Variants in QKI observed in about 807,000 individuals in gnomAD.
QKI encodes QKI, KH domain containing RNA binding, also known as KH domain-containing RNA-binding protein QKI.
QKI carries 10 observed loss-of-function variants against 39.0 expected under a neutral mutation model. That is an observed-to-expected ratio of 0.26 (90% CI 0.16 to 0.43). The LOEUF is 0.43. Ranked by LOEUF, QKI falls within the 20% of genes least tolerant of loss-of-function variation. The pLI, the probability that QKI is intolerant of heterozygous loss-of-function variation, is 1.00. For synonymous variants in QKI, 204 were observed against 155.4 expected, an observed-to-expected ratio of 1.31 and a Z score of -2.33; for missense variants, 218 against 428.0, an observed-to-expected ratio of 0.51 and a Z score of 4.33.
intron 4 of QKI, 116 bp from the exon 5 acceptor site, chr6:163,561,866 A>T: frequency 1.5e-6 from 1 of 683,696 alleles, no homozygotes; most frequent in Non-Finnish European, 2.3e-6. Context: ...TTTTCCCCTT[A>T]TTAAAACAGG....
rs1792848368 is a variant in QKI, at chr6:163,478,993, A to G, written c.402+97A>G. ...TTCCAGATTTTTTTGTGCTTAAAAC[A>G]CTATATTCCAGGCCGGGCGCGGTGG... is the stretch of plus-strand genomic sequence containing the variant. On this transcript the variant is annotated intron_variant, in intron 3 of 7. Coordinates refer to ENST00000361752, the MANE Select transcript of QKI (RefSeq NM_006775.3). 4.7e-6 allele frequency: 5 copies of G among 1,072,906 alleles called. No individual in the cohort carries two copies. The Admixed American group carries it at 6.7e-5, about 14-fold the overall frequency. The allele number at this position is 1,072,906 out of a possible 1,614,324, so 66.5% of individuals were successfully genotyped here.
At chr6:163,463,915 C>G (rs1398631866) in intron 2 of QKI, among the ~76,000 whole-genome samples, 1 of 152,128 alleles carries the variant, frequency 6.6e-6, no homozygotes, top group Non-Finnish European at 1.5e-5. Context: ...ATGGCAGGTA[C>G]TTTTAATTTT....
chr6:163,522,891 A>G (rs979195892), intron 3 of QKI, among the ~76,000 whole-genome samples: 22 of 151,834 alleles, frequency 1.4e-4, no homozygotes, highest in African/African-American at 4.6e-4. Flanking sequence ...CACTGCAGCT[A>G]TCCACGGTGC....
At chr6:163,427,073 T>C (rs1788463010) in intron 1 of QKI, among the ~76,000 whole-genome samples, 1 of 152,096 alleles carries the variant, frequency 6.6e-6, no homozygotes, top group South Asian at 2.1e-4. Context: ...ATTTCTCCAA[T>C]AGGAATGGTA....
intron 4 of QKI, among the ~76,000 whole-genome samples, chr6:163,544,442 C>A (rs1157090048): frequency 1.3e-5 from 2 of 151,882 alleles, no homozygotes; most frequent in Non-Finnish European, 2.9e-5. Context: ...TCAGCTCTCC[C>A]CTGTCTCTCA....
At chr6:163,519,718 C>T (rs901278785) in intron 3 of QKI, among the ~76,000 whole-genome samples, 2 of 151,920 alleles carry the variant, frequency 1.3e-5, no homozygotes, top group African/African-American at 4.8e-5. Context: ...ATAATGATTA[C>T]TATTAACATT....
chr6:163,494,671 GTTGTTGTTGTTA>G (rs1335957279), intron 3 of QKI, among the ~76,000 whole-genome samples: 9 of 56,924 alleles, frequency 1.6e-4, no homozygotes, highest in East Asian at 0.042. Flanking sequence ...TGTTTTTGTT[GTTGTTGTTGTTA>G]TTGTTGTTTT....
intron 6 of QKI, chr6:163,565,192 T>C (rs1783281187): frequency 1.0e-6 from 1 of 991,118 alleles, no homozygotes; most frequent in Non-Finnish European, 1.2e-6. Context: ...ATTTTTAAAA[T>C]AACATGTAAC....
At chr6:163,504,249 T>C (rs1464342534) in intron 3 of QKI, among the ~76,000 whole-genome samples, 2 of 152,192 alleles carry the variant, frequency 1.3e-5, no homozygotes, top group Non-Finnish European at 2.9e-5. Context: ...CATAATGTTT[T>C]GGTTACTGTA....
intron 1 of QKI, among the ~76,000 whole-genome samples, chr6:163,428,322 T>C (rs1788564583): frequency 6.6e-6 from 1 of 152,214 alleles, no homozygotes; most frequent in Non-Finnish European, 1.5e-5. Flanking sequence ...ACTCAGTTGT[T>C]TGAAGGGTTT....
intron 7 of QKI, chr6:163,568,317 A>G (rs1280364481): frequency 3.0e-6 from 3 of 985,196 alleles, no homozygotes; most frequent in African/African-American, 1.7e-5. Context: ...TTGCTTTAAC[A>G]CAATAATTAT....
chr6:163,546,015 ATATATAATTATATATTT>A (rs1253027773), intron 4 of QKI, among the ~76,000 whole-genome samples: 9 of 147,936 alleles, frequency 6.1e-5, no homozygotes, highest in Non-Finnish European at 8.9e-5. Flanking sequence ...ATTGGTATAA[ATATATAATTATATATTT>A]TATATAATTA....
At chr6:163,570,567 T>C (rs1783645155) in intron 7 of QKI, 127 bp from the exon 8 acceptor site, 8 of 1,163,832 alleles carry the variant, frequency 6.9e-6, no homozygotes, top group African/African-American at 1.6e-5. Context: ...TTAAACATGC[T>C]TTTTTTTTTA....
chr6:163,440,084 T>C lies in QKI; in HGVS notation c.143-15195T>C, dbSNP rs926900807. On this transcript the variant is annotated intron_variant, in intron 1 of 7. Coordinates refer to ENST00000361752, the MANE Select transcript of QKI (RefSeq NM_006775.3). ...CCTTTCCCCCCTCATTGTATATGTC[T>C]CTACTTTTTTGTTCTTTACTTTATT... 1.7e-4 allele frequency among the ~76,000 whole-genome samples: 26 copies of C among 152,310 alleles called. No homozygotes were observed. The East Asian group carries it at 4.6e-3, about 27-fold the overall frequency.
At chr6:163,510,441 A>C (rs886724457) in intron 3 of QKI, among the ~76,000 whole-genome samples, 2 of 149,844 alleles carry the variant, frequency 1.3e-5, no homozygotes, top group African/African-American at 2.5e-5. Context: ...CATCCCTATA[A>C]CCCCAGCTAC....
intron 1 of QKI, among the ~76,000 whole-genome samples, chr6:163,423,870 G>A (rs1206209088): frequency 6.6e-6 from 1 of 152,178 alleles, no homozygotes; most frequent in East Asian, 1.9e-4. Flanking sequence ...TAATAGAGAA[G>A]TATGCTATTG....
intron 2 of QKI, among the ~76,000 whole-genome samples, chr6:163,477,014 T>A (rs1224198427): frequency 4.0e-5 from 3 of 74,290 alleles, no homozygotes; most frequent in Non-Finnish European, 7.0e-5. Flanking sequence ...TGTTTTGTTT[T>A]GTTTTGTTTT....
intron 1 of QKI, among the ~76,000 whole-genome samples, chr6:163,440,054 C>T (rs1789648997): frequency 2.6e-5 from 4 of 151,950 alleles, no homozygotes; most frequent in Admixed American, 2.6e-4. Context: ...TTGAATATAC[C>T]ATTTCCTTTC....
Position 163,456,613 on chromosome 6 carries a change from GTTACA to G in QKI, c.285+1198_285+1202del, listed in dbSNP as rs763466258. 1.8e-4 allele frequency among the ~76,000 whole-genome samples: 28 copies of G among 152,070 alleles called. 1 individual carries two copies. The highest frequency in any genetic ancestry group is 3.8e-4 in the Non-Finnish European group (26 of 68,010). On this transcript the variant is annotated intron_variant, in intron 2 of 7. Coordinates refer to ENST00000361752, the MANE Select transcript of QKI (RefSeq NM_006775.3). ...TAGGAAAAAGCTTTGATATTTTACA[GTTACA>G]TTACAATTTGCAAAAATTGATCTGA...
Sources: gnomAD v4.1 joint callset for allele counts (sites outside exome capture counted in the v4.1 genomes callset) on GRCh38, gnomAD v4.1.1 for gene constraint, MANE v1.5 for transcripts, NCBI Gene and HGNC (gene_info 2026-07-23, HGNC 2026-07-21) for gene names.